ARAP2: variants seen among roughly 807,000 people sequenced by gnomAD.
ARAP2 encodes the protein arf-GAP with Rho-GAP domain, ANK repeat and PH domain-containing protein 2.
ARAP2 carries 148 observed loss-of-function variants against 194.5 expected under a neutral mutation model. That is an observed-to-expected ratio of 0.76 (90% CI 0.67 to 0.87). The LOEUF (loss-of-function observed/expected upper bound fraction) is 0.87. ARAP2 is among the 40% of genes least tolerant of loss of function. The pLI is 0.00. For missense variants in ARAP2, 2,128 were observed against 1,989.7 expected, an observed-to-expected ratio of 1.07 and a Z score of -1.32; for synonymous variants, 695 against 683.5, an observed-to-expected ratio of 1.02 and a Z score of -0.26.
intron 6 of ARAP2, among the ~76,000 whole-genome samples, chr4:36,194,343 T>C (rs1048504354): frequency 2.9e-4 from 44 of 152,220 alleles, no homozygotes; most frequent in African/African-American, 1.0e-3. Context: ...GAACTGTTTT[T>C]ACTTAGGCTT....
At chr4:36,144,630 T>C (rs1240617776) in intron 19 of ARAP2, among the ~76,000 whole-genome samples, 1 of 151,944 alleles carries the variant, frequency 6.6e-6, no homozygotes, top group Non-Finnish European at 1.5e-5. Flanking sequence ...TATAAAGCTC[T>C]TGATGTCGTC....
intron 31 of ARAP2, among the ~76,000 whole-genome samples, chr4:36,079,091 T>C (rs1166816165): frequency 6.7e-6 from 1 of 148,798 alleles, no homozygotes; most frequent in Non-Finnish European, 1.5e-5. Flanking sequence ...GGAGAATCAC[T>C]TGAACCCAGG....
At chr4:36,052,881 T>A (rs1470815425) in intron 2 of ARAP2, among the ~76,000 whole-genome samples, 1 of 152,124 alleles carries the variant, frequency 6.6e-6, no homozygotes, top group Non-Finnish European at 1.5e-5. Flanking sequence ...AGCTGGAGAA[T>A]GGTGAGAACC....
intron 9 of ARAP2, among the ~76,000 whole-genome samples, chr4:36,172,417 C>T (rs1736866635): frequency 6.6e-6 from 1 of 152,166 alleles, no homozygotes; most frequent in Non-Finnish European, 1.5e-5. Flanking sequence ...GATACATCCA[C>T]TTAATTCTTT....
At chr4:36,027,145 T>C (rs1023129257) in intron 5 of ARAP2, among the ~76,000 whole-genome samples, 9 of 152,198 alleles carry the variant, frequency 5.9e-5, no homozygotes, top group African/African-American at 1.9e-4. Context: ...GCATTTCTAA[T>C]TTGCTAGGTG....
intron 8 of ARAP2, among the ~76,000 whole-genome samples, chr4:36,014,316 A>AAGAG (rs879800341): frequency 0.026 from 2,737 of 106,436 alleles, 128 homozygotes; most frequent in East Asian, 0.078. Context: ...GAAGGAAAGA[A>AAGAG]AGAAAGAGAG....
intron 8 of ARAP2, among the ~76,000 whole-genome samples, chr4:36,182,838 G>A (rs1049495877): frequency 1.3e-5 from 2 of 152,206 alleles, no homozygotes; most frequent in African/African-American, 4.8e-5. Context: ...AAGTTTGGTT[G>A]AGAGGGTGGA....
chr4:36,062,167 A>AT (rs1295264233), downstream of ARAP2, among the ~76,000 whole-genome samples: 1 of 151,946 alleles, frequency 6.6e-6, no homozygotes. Flanking sequence ...CCATTTGTCC[A>AT]TTTTTGCTTT....
At chr4:36,186,632 G>A (rs938815247) in intron 8 of ARAP2, among the ~76,000 whole-genome samples, 5 of 152,222 alleles carry the variant, frequency 3.3e-5, no homozygotes, top group African/African-American at 1.2e-4. Flanking sequence ...TGTATCTACA[G>A]CCACTCCTGG....
rs184669065 is a variant in ARAP2, at chr4:36,243,547, G to A, written c.-160+632C>T. The A allele has an allele frequency of 2.0e-5, 3 of 152,084 alleles. No homozygotes were observed. In the East Asian group the frequency reaches 5.8e-4, roughly 29 times the overall value. The allele number at this position is 152,084 out of a possible 1,614,324, so 9.4% of individuals were successfully genotyped here. ...CTTTCCCCAAATCAAAATAACTCCA[G>A]ATCACCTCAAGGTAGGAGGTGTTTA... is the stretch of plus-strand genomic sequence containing the variant. On this transcript the variant is annotated intron_variant, in intron 1 of 32. Transcript: ENST00000303965.
intron 9 of ARAP2, among the ~76,000 whole-genome samples, chr4:36,169,198 G>T (rs1356977228): frequency 1.3e-5 from 2 of 152,192 alleles, no homozygotes. Context: ...TACGTGGACT[G>T]CATGTCCTTC....
chr4:36,181,669 T>C (rs1739291442), intron 8 of ARAP2, among the ~76,000 whole-genome samples: 1 of 152,222 alleles, frequency 6.6e-6, no homozygotes, highest in Admixed American at 6.5e-5. Flanking sequence ...GTTCTTCAAA[T>C]TGATAACCAA....
chr4:36,216,027 C>T (rs182112695), intron 2 of ARAP2, among the ~76,000 whole-genome samples: 1 of 150,510 alleles, frequency 6.6e-6, no homozygotes, highest in South Asian at 2.1e-4. Context: ...GGGCAGATTT[C>T]TTGAGCTCAG....
intron 7 of ARAP2, among the ~76,000 whole-genome samples, chr4:36,189,424 C>T (rs1741363685): frequency 1.3e-5 from 2 of 152,068 alleles, no homozygotes; most frequent in African/African-American, 2.4e-5. Flanking sequence ...CATTCAATAT[C>T]CTCCTTCTGG....
chr4:36,234,448 A>G (rs1385055975), intron 1 of ARAP2, among the ~76,000 whole-genome samples: 4 of 152,162 alleles, frequency 2.6e-5, no homozygotes, highest in Non-Finnish European at 4.4e-5. Context: ...TTTGGCAGTC[A>G]GGTTTCAACA....
intron 32 of ARAP2, among the ~76,000 whole-genome samples, chr4:36,069,939 T>C (rs1726425422): frequency 6.6e-6 from 1 of 152,044 alleles, no homozygotes; most frequent in African/African-American, 2.4e-5. Context: ...CTTTCCCCCC[T>C]CTCTCTCTTG....
At chr4:36,190,178 A>C (rs1025138512) in intron 7 of ARAP2, among the ~76,000 whole-genome samples, 1 of 152,216 alleles carries the variant, frequency 6.6e-6, no homozygotes, top group Non-Finnish European at 1.5e-5. Flanking sequence ...TTCATATTTC[A>C]GCATAAATAT....
chr4:36,177,969 G>A lies in ARAP2; in HGVS notation c.1715C>T (p.Ala572Val), dbSNP rs1005178615. ...RNDWISILLN[A>V]LKSQSLTSQS... is the part of the protein sequence containing the mutation. Reference sequence around the variant, plus strand: ...CGAGGTAAGGGATTGTGATTTCAGTGCATTTAATAGTATGCTGATCCAGTC... The same window carrying A: ...CGAGGTAAGGGATTGTGATTTCAGTACATTTAATAGTATGCTGATCCAGTC... The change falls in exon 9 of 33, where the codon GCA becomes GTA. Residue 572 changes from alanine (A) to valine (V), a missense_variant. Coordinates refer to ENST00000303965, the MANE Select transcript of ARAP2 (RefSeq NM_015230.4). 1 of 1,611,028 alleles carries A rather than the reference G, an allele frequency of 6.2e-7. No homozygotes were observed. Among genetic ancestry groups the A allele is most frequent in the East Asian group, 2.2e-5 (1 of 44,842 alleles).
chr4:36,035,708 TG>T (rs1198628948), intron 5 of ARAP2, among the ~76,000 whole-genome samples: 5 of 152,168 alleles, frequency 3.3e-5, no homozygotes, highest in Admixed American at 1.3e-4. Flanking sequence ...TTTAAATTTT[TG>T]TTTAAGAAAT....
Sources: gnomAD v4.1 joint callset for allele counts (sites outside exome capture counted in the v4.1 genomes callset) on GRCh38, gnomAD v4.1.1 for gene constraint, MANE v1.5 for transcripts, NCBI Gene and HGNC (gene_info 2026-07-23, HGNC 2026-07-21) for gene names.